The following HCFC1 variants were observed in gnomAD, a reference collection of about 807,000 sequenced individuals.
The protein encoded by HCFC1 is host cell factor C1.
A neutral mutation model predicts 105.5 loss-of-function variants in HCFC1; 7 were observed. That is an observed-to-expected ratio of 0.07 (90% CI 0.04 to 0.12). HCFC1 has a LOEUF of 0.12. Ranked by LOEUF, HCFC1 falls within the 10% of genes least tolerant of loss-of-function variation. The pLI is 1.00. For missense variants in HCFC1, 1,065 were observed against 1,823.6 expected (o/e 0.58, Z 7.58); for synonymous variants, 918 against 828.1 (o/e 1.11, Z -1.86).
At chrX:153,951,038 G>A (rs1557112315) in intron 22 of HCFC1, 40 bp from the exon 23 acceptor site, 2 of 1,110,274 alleles carry the variant, frequency 1.8e-6, no homozygotes, top group Non-Finnish European at 2.5e-6. Context: ...CTGTGGAGAA[G>A]GCAGCTCTGG....
rs1378832925 is a variant in HCFC1 at position 153,955,119 on chromosome X, C to T, written c.3280G>A (p.Ala1094Thr). 2.5e-6 allele frequency: 3 copies of T among 1,207,183 alleles called. No individual in the cohort carries two copies. Among genetic ancestry groups the T allele is most frequent in the East Asian group, 6.0e-5 (2 of 33,600 alleles). ...ETGTTNTATT[A>T]TSNMAGQHGC... Reference sequence around the variant, plus strand: ...TGCTGCCCGGCCATGTTGGAGGTGGCGGTGGTGGCGGTGTTGGTGGTGCCC... The same window carrying T: ...TGCTGCCCGGCCATGTTGGAGGTGGTGGTGGTGGCGGTGTTGGTGGTGCCC... The change falls in exon 17 of 26, where the codon GCC becomes ACC. Residue 1094 changes from alanine (A) to threonine (T), a missense_variant. Around this residue, in one of 17 missense-constraint regions of HCFC1, gnomAD observed 546 missense variants for 599.9 expected, o/e 0.91. Transcript: ENST00000310441.
In HCFC1 at chrX:153,956,531, TGCTGTGCCACCCA is replaced by T. The variant is rs1435503909; in HGVS notation, c.2635+81_2635+93del. 2.6e-6 allele frequency: 3 copies of T among 1,135,684 alleles called. No homozygotes were observed. The African/African-American group carries it at 5.4e-5, about 20-fold the overall frequency. 93.6% of individuals were successfully genotyped at this position (1,135,684 alleles called of 1,213,427 possible). ...CATAGAAGGCTCGGGAGAGAGGAGCTGCTGTGCCACCCAGCTGTGCCATGGGGATTGAAGGCCA... is the reference window on the plus strand; with the variant it reads ...CATAGAAGGCTCGGGAGAGAGGAGCTGCTGTGCCATGGGGATTGAAGGCCA... On this transcript the variant is annotated intron_variant, in intron 15 of 25. Transcript: ENST00000310441.
chrX:153,962,959 T>C (rs1441109354), intron 4 of HCFC1, among the ~76,000 whole-genome samples: 2 of 112,196 alleles, frequency 1.8e-5, no homozygotes, highest in African/African-American at 3.2e-5. Flanking sequence ...AATTCCATTC[T>C]AGAAAGCCTT....
chrX:153,954,135 A>AG lies in HCFC1; in HGVS notation c.4263dup (p.Cys1422LeufsTer2), dbSNP rs782587798. ...GTGGTGCCCGTCTCGTGGGTCTCAC[A>AG]GGGGGGGTTGGAGCACACCCTCTGT... is the stretch of plus-strand genomic sequence containing the variant. On this transcript the variant is annotated frameshift_variant, in exon 17 of 26. Transcript: ENST00000310441. LOFTEE classifies it high-confidence loss of function. 1.7e-6 allele frequency: 2 copies of AG among 1,209,374 alleles called. No individual in the cohort carries two copies.
intron 1 of HCFC1, among the ~76,000 whole-genome samples, chrX:153,965,209 C>T (rs1025384237): frequency 9.0e-6 from 1 of 111,157 alleles, no homozygotes; most frequent in Non-Finnish European, 1.9e-5. Context: ...GGATGAGACC[C>T]GGCCTCTGCT....
Position 153,958,149 on chromosome X carries a change from A to G in HCFC1, c.1904T>C (p.Val635Ala). 8.3e-7 allele frequency: 1 copy of G among 1,211,610 alleles called. No individual in the cohort carries two copies. The highest frequency in any genetic ancestry group is 1.1e-6 in the Non-Finnish European group (1 of 894,982). Reference protein sequence around the residue: ...TNTSTRPIITVHKSGTVTVAQ... With the variant: ...TNTSTRPIITAHKSGTVTVAQ... ...CACTGTCACAGTGCCTGACTTGTGC[A>G]CTGTGATGATAGGGCGGGTAGACGT... Residue 635 changes from valine to alanine, a missense_variant, in exon 11 of 26, where the codon GTG becomes GCG. Around this residue, in one of 17 missense-constraint regions of HCFC1, gnomAD observed 137 missense variants for 378.2 expected, o/e 0.36. Transcript: ENST00000310441.
chrX:153,967,222 G>A lies in HCFC1; in HGVS notation c.194-2496C>T, dbSNP rs145469078. Among the ~76,000 whole-genome samples the A allele has an allele frequency of 1.4e-3, 154 of 112,125 alleles. 2 individuals carry two copies. Among genetic ancestry groups the A allele is most frequent in the South Asian group, 7.8e-3 (21 of 2,693 alleles). ...GTCACCCCTGAATCATCTGGGGGGT[G>A]TCATGTAACCCAATCCTTGGGCCCC... On this transcript the variant is annotated intron_variant, in intron 1 of 25. Transcript: ENST00000310441.
intron 16 of HCFC1, 90 bp from the exon 17 acceptor site, chrX:153,955,632 G>A: frequency 1.1e-6 from 1 of 940,446 alleles, no homozygotes; most frequent in Non-Finnish European, 1.4e-6. Context: ...ACACAGGCTG[G>A]GACCACTGAC....
intron 3 of HCFC1, among the ~76,000 whole-genome samples, chrX:153,963,919 G>A (rs1337653379): frequency 1.8e-5 from 2 of 111,569 alleles, no homozygotes; most frequent in Admixed American, 9.4e-5. Context: ...CTCCTCCCAC[G>A]AGGCCTGCTC....
chrX:153,955,041 C>T lies in HCFC1; in HGVS notation c.3358G>A (p.Ala1120Thr). 8.3e-7 allele frequency: 1 copy of T among 1,210,899 alleles called. No homozygotes were observed. The highest frequency in any genetic ancestry group is 1.1e-6 in the Non-Finnish European group (1 of 895,114). Residue 1120 changes from alanine to threonine, a missense_variant, in exon 17 of 26, where the codon GCC becomes ACC. Around this residue, in one of 17 missense-constraint regions of HCFC1, gnomAD observed 546 missense variants for 599.9 expected, o/e 0.91. Transcript: ENST00000310441. The stretch of plus-strand genomic sequence containing the variant: ...CCGACGCTCGACATGGCTGTAGTGG[C>T]AGTGTTGGTGGTGCCCGTCTCGTGG... ...ETHETGTTNTATTAMSSVGAN... is the reference protein window; with the variant it reads ...ETHETGTTNTTTTAMSSVGAN...
In HCFC1 at chrX:153,964,894, G is replaced by A. The variant is rs782192281; in HGVS notation, c.194-168C>T. Among the ~76,000 whole-genome samples, 6 of 112,052 alleles carry A rather than the reference G, an allele frequency of 5.4e-5. No individual in the cohort carries two copies. The South Asian group carries it at 1.1e-3, about 21-fold the overall frequency. On this transcript the variant is annotated intron_variant, in intron 1 of 25. Transcript: ENST00000310441. ...ACCTGGGCCATCTTCCAAACCCCTCGACTTCAGGCCAGTGCAAAAGAGCCT... is the reference window on the plus strand; with the variant it reads ...ACCTGGGCCATCTTCCAAACCCCTCAACTTCAGGCCAGTGCAAAAGAGCCT...
chrX:153,957,715 T>C lies in HCFC1; in HGVS notation c.2133+67A>G, dbSNP rs1443553666. The stretch of plus-strand genomic sequence containing the variant: ...ATGGGATCTTCCATGGGCAGGGACA[T>C]GAGTTCTTCCTGTGGCCTGGCACCC... On this transcript the variant is annotated intron_variant, in intron 12 of 25. Coordinates refer to ENST00000310441, the MANE Select transcript of HCFC1 (RefSeq NM_005334.3). 4.5e-6 allele frequency: 4 copies of C among 880,729 alleles called. No individual in the cohort carries two copies. In the African/African-American group the frequency reaches 6.0e-5, roughly 13 times the overall value. The allele number at this position is 880,729 out of a possible 1,213,427, so 72.6% of individuals were successfully genotyped here.
chrX:153,962,614 G>A (rs1384611611), intron 4 of HCFC1, among the ~76,000 whole-genome samples: 1 of 112,454 alleles, frequency 8.9e-6, no homozygotes, highest in Non-Finnish European at 1.9e-5. Context: ...CATGAAATAC[G>A]TTCACCGCCA....
rs139513685 is a variant in HCFC1 at position 153,950,141 on chromosome X, C to T, written c.6004+102G>A. On this transcript the variant is annotated intron_variant, in intron 24 of 25. Coordinates refer to ENST00000310441, the MANE Select transcript of HCFC1 (RefSeq NM_005334.3). ...GTGCGCGCCAAAGGAAGCAGGGAGACGCCGCACATGGGAAAAAATCTCAGA... is the reference window on the plus strand; with the variant it reads ...GTGCGCGCCAAAGGAAGCAGGGAGATGCCGCACATGGGAAAAAATCTCAGA... The T allele has an allele frequency of 3.5e-4, 309 of 880,862 alleles. 1 individual carries two copies. The African/African-American group carries it at 5.7e-3, about 16-fold the overall frequency. The allele number at this position is 880,862 out of a possible 1,213,427, so 72.6% of individuals were successfully genotyped here.
intron 1 of HCFC1, among the ~76,000 whole-genome samples, chrX:153,967,187 G>A (rs948564803): frequency 8.9e-6 from 1 of 112,132 alleles, no homozygotes; most frequent in Non-Finnish European, 1.9e-5. Flanking sequence ...CAATGTGACA[G>A]CTGCTCTCAG....
At chrX:153,962,914 G>C (rs782236456) in intron 4 of HCFC1, among the ~76,000 whole-genome samples, 3 of 112,016 alleles carry the variant, frequency 2.7e-5, no homozygotes, top group Non-Finnish European at 5.6e-5. Flanking sequence ...GACCACTGAC[G>C]AGTCAAGAGG....
At position 153,971,091 on chromosome X, in the gene HCFC1, G is replaced by A. The variant is rs1054945541; in HGVS notation, c.-251C>T. 2.8e-6 allele frequency: 1 copy of A among 357,192 alleles called. No individual in the cohort carries two copies. The highest frequency in any genetic ancestry group is 2.7e-5 in the African/African-American group (1 of 37,618). The allele number at this position is 357,192 out of a possible 1,213,427, so 29.4% of individuals were successfully genotyped here. A position where few individuals can be genotyped will look rare whatever the true frequency, so the allele number is the denominator to read the frequency against. ...GAGCGCCTAGGCTCAAGAAGCTGGAGGCCGCTGAGTCCCGTCGCCCCGACT... is the reference window on the plus strand; with the variant it reads ...GAGCGCCTAGGCTCAAGAAGCTGGAAGCCGCTGAGTCCCGTCGCCCCGACT... On this transcript the variant is annotated 5_prime_UTR_variant, in exon 1 of 26. Coordinates refer to ENST00000310441, the MANE Select transcript of HCFC1 (RefSeq NM_005334.3).
rs782623679 is a variant in HCFC1, at chrX:153,952,118, G to A, written c.4983C>T (p.Thr1661=). The A allele has an allele frequency of 1.8e-5, 20 of 1,140,625 alleles. No homozygotes were observed. The highest frequency in any genetic ancestry group is 4.2e-5 in the South Asian group (2 of 47,954). The allele number at this position is 1,140,625 out of a possible 1,213,427, so 94.0% of individuals were successfully genotyped here. A position where few individuals can be genotyped will look rare whatever the true frequency, so the allele number is the denominator to read the frequency against. Residue 1661 remains threonine, a synonymous_variant, in exon 20 of 26, where the codon ACC becomes ACT. Coordinates refer to ENST00000310441, the MANE Select transcript of HCFC1 (RefSeq NM_005334.3). ...GGTGCCCCAGCTCCGCCTGAGTCAC[G>A]GTTGCTGCTGCCTCGGAGGTGTCCA... ...EPMDTSEAAA[T]VTQAELGHLS...
intron 2 of HCFC1, 118 bp from the exon 3 acceptor site, chrX:153,964,402 C>G: frequency 1.1e-6 from 1 of 892,211 alleles, no homozygotes. Context: ...CTTGCTGGAG[C>G]AAGAAGGTCC....
Sources: allele counts gnomAD v4.1 joint callset (sites outside exome capture counted in the v4.1 genomes callset), GRCh38; gene constraint gnomAD v4.1.1; regional missense constraint gnomAD v4.1.1; transcripts MANE v1.5; gene names NCBI Gene and HGNC (gene_info 2026-07-23, HGNC 2026-07-21).